The following ITPA variants were observed in gnomAD, a reference collection of about 807,000 sequenced individuals.
ITPA encodes the protein inosine triphosphatase, also known as inosine triphosphate pyrophosphatase.
ITPA carries 29 observed loss-of-function variants against 29.6 expected under a neutral mutation model. The ratio of observed to expected loss-of-function variants is 0.98; its 90% CI spans 0.73 to 1.34. The LOEUF (loss-of-function observed/expected upper bound fraction) is 1.34, where lower values mean the gene tolerates loss of function less well. Among genes scored for constraint, ITPA ranks in the 40% most tolerant of loss-of-function variants. ITPA has a pLI of 0.00. For synonymous variants in ITPA, 103 were observed against 99.3 expected (o/e 1.04, Z -0.22); for missense variants, 241 against 251.5 (o/e 0.96, Z 0.28).
At chr20:3,206,545 A>G (rs146796564), upstream of ITPA, among the ~76,000 whole-genome samples, 3,826 of 151,788 alleles carry the variant, frequency 0.025, 154 homozygotes, top group African/African-American at 0.087. Context: ...AAAAATACAA[A>G]ATTAGCCGGG....
chr20:3,224,134 C>T (rs1012759311), downstream of ITPA, among the ~76,000 whole-genome samples: 8 of 152,186 alleles, frequency 5.3e-5, no homozygotes, highest in South Asian at 4.1e-4. Context: ...TAGTGTGGCA[C>T]GCCCAGTGCT....
chr20:3,216,748 G>A (rs1190041370), intron 5 of ITPA, among the ~76,000 whole-genome samples: 2 of 151,652 alleles, frequency 1.3e-5, no homozygotes, highest in East Asian at 1.9e-4. Flanking sequence ...CACTGAGCCC[G>A]GCTTAATTTT....
intron 5 of ITPA, among the ~76,000 whole-genome samples, chr20:3,215,969 A>G (rs2067286814): frequency 6.6e-6 from 1 of 151,930 alleles, no homozygotes. Flanking sequence ...TACAGATGTG[A>G]GTCACAACAC....
intron 6 of ITPA, among the ~76,000 whole-genome samples, chr20:3,220,179 T>C (rs6107257): frequency 0.61 from 92,922 of 151,728 alleles, 29,183 homozygotes; most frequent in African/African-American, 0.73. Flanking sequence ...TCTCCCACCC[T>C]GGAGAGTAAC....
chr20:3,206,063 A>C (rs1404868006), upstream of ITPA, among the ~76,000 whole-genome samples: 1 of 150,132 alleles, frequency 6.7e-6, no homozygotes, highest in Non-Finnish European at 1.5e-5. Flanking sequence ...CTCAAAAAAA[A>C]AAAAAAAAGA....
At chr20:3,211,915 G>C (rs73076882) in intron 1 of ITPA, among the ~76,000 whole-genome samples, 18,048 of 152,206 alleles carry the variant, frequency 0.12, 1,341 homozygotes, top group Non-Finnish European at 0.16. Context: ...GGGCACTGTG[G>C]TTCATACCTG....
chr20:3,209,082 T>A, upstream of ITPA: 1 of 240,274 alleles, frequency 4.2e-6, no homozygotes. The surrounding 1 kb of genome is among the most constrained non-coding windows in gnomAD (Gnocchi z 4.6). Context: ...AAGTTCACAG[T>A]CGAGTGGATC....
chr20:3,218,501 C>G lies in ITPA; in HGVS notation c.296-16C>G. On this transcript the variant is annotated splice_polypyrimidine_tract_variant and intron_variant, in intron 5 of 7. Coordinates refer to ENST00000380113, the MANE Select transcript of ITPA (RefSeq NM_033453.4). ...GGCCATTAGGGATGCACTGAGCCCT[C>G]ACTGCCCACCCGCAGGTCTCCACCA... The G allele has an allele frequency of 6.3e-7, 1 of 1,591,976 alleles. No individual in the cohort carries two copies. Among genetic ancestry groups the G allele is most frequent in the Non-Finnish European group, 8.6e-7 (1 of 1,160,122 alleles).
chr20:3,204,455 G>A (rs753154981), upstream of ITPA: 45 of 1,410,220 alleles, frequency 3.2e-5, no homozygotes, highest in Non-Finnish European at 4.1e-5. Flanking sequence ...GCACGCGCAG[G>A]AGCCGCGGCG....
intron 6 of ITPA, 117 bp downstream of exon 6, chr20:3,218,749 AT>A: frequency 1.3e-6 from 1 of 750,054 alleles, no homozygotes. Flanking sequence ...GGCCAGAGAT[AT>A]CTGTGCCTTG....
At chr20:3,204,693 T>C (rs551871354), upstream of ITPA, 57 of 1,480,224 alleles carry the variant, frequency 3.9e-5, 1 homozygote, top group African/African-American at 4.2e-4. Context: ...GCCCCGCCCC[T>C]ATTTCCCAAT....
At chr20:3,208,087 A>C (rs897488034), upstream of ITPA, among the ~76,000 whole-genome samples, 2 of 152,108 alleles carry the variant, frequency 1.3e-5, no homozygotes, top group Non-Finnish European at 2.9e-5. Context: ...AGAATCACAC[A>C]AATGAATATC....
intron 5 of ITPA, among the ~76,000 whole-genome samples, chr20:3,217,085 T>G (rs2067324337): frequency 6.6e-6 from 1 of 152,166 alleles, no homozygotes; most frequent in Non-Finnish European, 1.5e-5. Flanking sequence ...TTCACCACGT[T>G]GGCCATGCTG....
chr20:3,207,778 CG>C (rs1600483884), upstream of ITPA, among the ~76,000 whole-genome samples: 1 of 151,042 alleles, frequency 6.6e-6, no homozygotes, highest in East Asian at 2.0e-4. Flanking sequence ...GGGCATATCA[CG>C]ACGTCAGGAG....
chr20:3,209,278 G>A, upstream of ITPA: 1 of 525,916 alleles, frequency 1.9e-6, no homozygotes, highest in Non-Finnish European at 3.5e-6. This position sits in a 1 kb window ranked among gnomAD's most constrained non-coding sequence, Gnocchi z 4.6. Flanking sequence ...GGGGGTGGGA[G>A]TGGTCTCTTC....
At chr20:3,219,942 T>G (rs537693809) in intron 6 of ITPA, among the ~76,000 whole-genome samples, 100 of 146,974 alleles carry the variant, frequency 6.8e-4, no homozygotes, top group Non-Finnish European at 8.6e-4. Flanking sequence ...CTTGGGAGGC[T>G]GAGGTGGGAG....
downstream of ITPA, among the ~76,000 whole-genome samples, chr20:3,225,226 GTCTTTGACCCCTT>G (rs993045883): frequency 1.3e-5 from 2 of 151,996 alleles, no homozygotes; most frequent in African/African-American, 4.8e-5. Flanking sequence ...TGTGTATTTG[GTCTTTGACCCCTT>G]TCCTAGCAAA....
chr20:3,204,477 A>G, upstream of ITPA: 4 of 1,508,382 alleles, frequency 2.7e-6, no homozygotes, highest in South Asian at 3.6e-5. Flanking sequence ...GACGGTCCAC[A>G]AAGGCTCAGA....
downstream of ITPA, among the ~76,000 whole-genome samples, chr20:3,224,543 C>G (rs1385457519): frequency 6.6e-6 from 1 of 152,226 alleles, no homozygotes; most frequent in Non-Finnish European, 1.5e-5. Context: ...GAGTGTCATT[C>G]CTTCACTCCC....
Sources: gnomAD v4.1 joint callset for allele counts (sites outside exome capture counted in the v4.1 genomes callset) on GRCh38, gnomAD v4.1.1 for gene constraint, Gnocchi (gnomAD v3.1) non-coding constraint, MANE v1.5 for transcripts, NCBI Gene and HGNC (gene_info 2026-07-23, HGNC 2026-07-21) for gene names.